RAB8A: variants seen among roughly 807,000 people sequenced by gnomAD.
RAB8A encodes ras-related protein Rab-8A.
A neutral mutation model predicts 29.2 loss-of-function variants in RAB8A; 5 were observed. The ratio of observed to expected loss-of-function variants is 0.17; its 90% CI spans 0.09 to 0.36. The LOEUF is 0.36. Among genes scored for constraint, RAB8A ranks in the 10% least tolerant of loss-of-function variants. RAB8A has a pLI of 1.00. For missense variants in RAB8A, 171 were observed against 272.2 expected, an observed-to-expected ratio of 0.63 and a Z score of 2.62; for synonymous variants, 108 against 99.9, an observed-to-expected ratio of 1.08 and a Z score of -0.49.
Position 16,112,350 on chromosome 19 carries a change from T to A in RAB8A, c.124+325T>A. 1.7e-5 allele frequency: 5 copies of A among 296,962 alleles called. No homozygotes were observed. In the South Asian group the frequency reaches 2.2e-4, roughly 13 times the overall value. The allele number at this position is 296,962 out of a possible 1,614,324, so 18.4% of individuals were successfully genotyped here. On this transcript the variant is annotated intron_variant, in intron 1 of 7. Transcript: ENST00000300935. Reference sequence around the variant, plus strand: ...GCAGCAGCCCTCGAAGCGGTTCTTTTGAGGCTCTTGCCTTACAGAAGTGGA... The same window carrying A: ...GCAGCAGCCCTCGAAGCGGTTCTTTAGAGGCTCTTGCCTTACAGAAGTGGA...
rs1361939367 is a variant in RAB8A at position 16,127,109 on chromosome 19, CCTCA to C, written c.325-322_325-319del. ...CAAGGTCGGGGGGTAAATATCTCAG[CCTCA>C]CTCACCTCCCATAGGCTAGACCCGC... On this transcript the variant is annotated intron_variant, in intron 4 of 7. Transcript: ENST00000300935. The surrounding 1 kb of genome is among the most constrained non-coding windows in gnomAD (Gnocchi z 4.8). 1 of 200,982 alleles carries C rather than the reference CCTCA, an allele frequency of 5.0e-6. No individual in the cohort carries two copies. The highest frequency in any genetic ancestry group is 1.1e-4 in the East Asian group (1 of 9,204). 12.4% of individuals were successfully genotyped at this position (200,982 alleles called of 1,614,324 possible).
chr19:16,113,699 G>A (rs1449814639), intron 1 of RAB8A, among the ~76,000 whole-genome samples: 4 of 152,102 alleles, frequency 2.6e-5, no homozygotes, highest in Non-Finnish European at 5.9e-5. Flanking sequence ...CGCACCCAGC[G>A]GAGCTGTGCT....
At chr19:16,118,316 C>G in intron 2 of RAB8A, 30 bp downstream of exon 2, 1 of 1,595,200 alleles carries the variant, frequency 6.3e-7, no homozygotes, top group South Asian at 1.1e-5. Context: ...GTCATTCTCT[C>G]CACCTGGCAA....
intron 2 of RAB8A, among the ~76,000 whole-genome samples, chr19:16,119,077 A>C (rs1289932517): frequency 6.6e-6 from 1 of 152,202 alleles, no homozygotes; most frequent in African/African-American, 2.4e-5. Context: ...GAGTGGGAGC[A>C]GTGTGCCAGG....
intron 1 of RAB8A, among the ~76,000 whole-genome samples, chr19:16,114,677 C>T (rs2090839051): frequency 2.0e-5 from 3 of 150,832 alleles, no homozygotes; most frequent in Admixed American, 6.6e-5. Context: ...CATGAGCCAC[C>T]GCGCCCAGCC....
At chr19:16,118,768 C>T (rs908263992) in intron 2 of RAB8A, among the ~76,000 whole-genome samples, 2 of 152,184 alleles carry the variant, frequency 1.3e-5, no homozygotes, top group African/African-American at 2.4e-5. Context: ...GCGTACAGAC[C>T]GAAACCCCAA....
chr19:16,125,091 C>T lies in RAB8A; in HGVS notation c.247-379C>T, dbSNP rs982819202. The T allele has an allele frequency of 1.2e-5, 4 of 341,264 alleles. No homozygotes were observed. Among genetic ancestry groups the T allele is most frequent in the South Asian group, 5.8e-5 (2 of 34,246 alleles). The allele number at this position is 341,264 out of a possible 1,614,324, so 21.1% of individuals were successfully genotyped here. The stretch of plus-strand genomic sequence containing the variant: ...GAGGCCGATTGCAGGGGAGGGTCAG[C>T]GTGAGGGGAGTGCTGCTGGCAGTGG... On this transcript the variant is annotated intron_variant, in intron 3 of 7. Transcript: ENST00000300935. This position sits in a 1 kb window ranked among gnomAD's most constrained non-coding sequence, Gnocchi z 5.0.
chr19:16,132,232 G>A lies in RAB8A; in HGVS notation c.552G>A (p.Gly184=). ...DKKLEGNSPQ[G]SNQGVKITPD... ...TTCAGGAAGGCAACAGCCCCCAGGG[G>A]AGCAACCAGGGAGTCAAAATCACAC... Residue 184 remains glycine, a synonymous_variant, in exon 8 of 8, where the codon GGG becomes GGA. Coordinates refer to ENST00000300935, the MANE Select transcript of RAB8A (RefSeq NM_005370.5). The surrounding 1 kb of genome is among the most constrained non-coding windows in gnomAD (Gnocchi z 5.6). The A allele has an allele frequency of 6.2e-7, 1 of 1,614,052 alleles. No individual in the cohort carries two copies. Among genetic ancestry groups the A allele is most frequent in the Non-Finnish European group, 8.5e-7 (1 of 1,179,952 alleles).
At chr19:16,115,258 A>T (rs556254045) in intron 1 of RAB8A, among the ~76,000 whole-genome samples, 51 of 152,118 alleles carry the variant, frequency 3.4e-4, no homozygotes, top group African/African-American at 1.2e-3. Context: ...AGTGCACTCC[A>T]GCCTGGGCAA....
chr19:16,112,174 A>G, intron 1 of RAB8A, 149 bp downstream of exon 1: 1 of 1,208,896 alleles, frequency 8.3e-7, no homozygotes. Context: ...AGTCGCCTGC[A>G]CCGCCGTTCG....
At chr19:16,128,684 G>C (rs1232114522) in intron 6 of RAB8A, among the ~76,000 whole-genome samples, 1 of 152,174 alleles carries the variant, frequency 6.6e-6, no homozygotes, top group Non-Finnish European at 1.5e-5. Context: ...ACCGGCTACA[G>C]CTGGTGTTTG....
chr19:16,128,652 C>T (rs1381842944), intron 6 of RAB8A, among the ~76,000 whole-genome samples: 6 of 152,218 alleles, frequency 3.9e-5, no homozygotes, highest in Non-Finnish European at 8.8e-5. Context: ...GACTCCTTGC[C>T]TGGCGTGGAA....
chr19:16,129,850 G>A (rs2090917635), intron 7 of RAB8A, among the ~76,000 whole-genome samples: 1 of 152,190 alleles, frequency 6.6e-6, no homozygotes, highest in Admixed American at 6.5e-5. Flanking sequence ...CTAGCAGGGA[G>A]CACACGGCCT....
At chr19:16,115,019 A>AT (rs1274107847) in intron 1 of RAB8A, among the ~76,000 whole-genome samples, 2 of 151,464 alleles carry the variant, frequency 1.3e-5, no homozygotes. Flanking sequence ...GTGCTCCTCG[A>AT]TTTTTTGTGT....
At chr19:16,115,002 C>G (rs1246092354) in intron 1 of RAB8A, among the ~76,000 whole-genome samples, 2 of 152,072 alleles carry the variant, frequency 1.3e-5, no homozygotes, top group Non-Finnish European at 2.9e-5. Flanking sequence ...GCTTGGCCAA[C>G]CTAACAGTGC....
At chr19:16,128,488 G>A (rs982469919) in intron 6 of RAB8A, among the ~76,000 whole-genome samples, 5 of 152,110 alleles carry the variant, frequency 3.3e-5, no homozygotes, top group African/African-American at 9.7e-5. Context: ...GCCCTGATGG[G>A]ACCTGGGCCC....
chr19:16,114,287 AAAAG>A (rs1467126953), intron 1 of RAB8A, among the ~76,000 whole-genome samples: 3 of 151,844 alleles, frequency 2.0e-5, no homozygotes, highest in African/African-American at 4.8e-5. Context: ...TAATAAAAAT[AAAAG>A]AAAGAAAGAA....
rs1020817894 is a variant in RAB8A, at chr19:16,133,385, T to C, written c.*1081T>C. The C allele has an allele frequency of 1.3e-5, 2 of 152,276 alleles. No individual in the cohort carries two copies. Among genetic ancestry groups the C allele is most frequent in the African/African-American group, 4.8e-5 (2 of 41,378 alleles). 9.4% of individuals were successfully genotyped at this position (152,276 alleles called of 1,614,324 possible). On this transcript the variant is annotated 3_prime_UTR_variant, in exon 8 of 8. Coordinates refer to ENST00000300935, the MANE Select transcript of RAB8A (RefSeq NM_005370.5). The stretch of plus-strand genomic sequence containing the variant: ...CTGTTTTGACAGCTCTGCTGTCCCA[T>C]AGGGACTGCGACTGGGACCAGGTCA...
chr19:16,112,315 A>G (rs758668045), intron 1 of RAB8A: 5 of 441,016 alleles, frequency 1.1e-5, no homozygotes, highest in Non-Finnish European at 2.1e-5. Flanking sequence ...CGTCCTCTCG[A>G]TCTGTCCTAG....
Sources: gnomAD v4.1 joint callset for allele counts (sites outside exome capture counted in the v4.1 genomes callset) on GRCh38, gnomAD v4.1.1 for gene constraint, Gnocchi (gnomAD v3.1) non-coding constraint, MANE v1.5 for transcripts, NCBI Gene and HGNC (gene_info 2026-07-23, HGNC 2026-07-21) for gene names.